Variants in FIRRM observed in about 807,000 individuals in gnomAD.
FIRRM encodes FIGNL1-interacting regulator of recombination and mitosis.
At chr1:169,790,891 C>T in the FIRRM span, among the ~76,000 whole-genome samples, 2 of 152,070 alleles carry the variant, frequency 1.3e-5, no homozygotes, top group African/African-American at 2.4e-5. Flanking sequence ...CACCAGGGAC[C>T]AGTTTTGTGG....
the FIRRM span, chr1:169,795,380 G>A: frequency 4.2e-5 from 60 of 1,412,448 alleles, no homozygotes; most frequent in Middle Eastern, 5.0e-4. Flanking sequence ...GACTGGAGGG[G>A]AAGCGACAAC....
At chr1:169,852,285 A>G in the FIRRM span, 1 of 318,510 alleles carries the variant, frequency 3.1e-6, no homozygotes, top group East Asian at 8.5e-5. Flanking sequence ...TATTAATCAA[A>G]TGAGTCTCCT....
chr1:169,788,352 A>T, the FIRRM span, among the ~76,000 whole-genome samples: 1 of 152,204 alleles, frequency 6.6e-6, no homozygotes, highest in Non-Finnish European at 1.5e-5. Context: ...AAAGACATTT[A>T]TGATGATCCA....
At chr1:169,845,411 T>C in the FIRRM span, among the ~76,000 whole-genome samples, 1 of 152,206 alleles carries the variant, frequency 6.6e-6, no homozygotes, top group African/African-American at 2.4e-5. Context: ...TTTCTTAAAA[T>C]ACGACAATGA....
chr1:169,797,697 A>G, the FIRRM span, among the ~76,000 whole-genome samples: 2 of 152,256 alleles, frequency 1.3e-5, no homozygotes, highest in African/African-American at 4.8e-5. Context: ...GGCACGTGCC[A>G]CCATGCCCGG....
chr1:169,804,694 AT>A, the FIRRM span, among the ~76,000 whole-genome samples: 1 of 151,884 alleles, frequency 6.6e-6, no homozygotes, highest in Non-Finnish European at 1.5e-5. Flanking sequence ...ATTTTATTTT[AT>A]TTTTTTGAGA....
the FIRRM span, among the ~76,000 whole-genome samples, chr1:169,798,345 G>A: frequency 4.0e-5 from 6 of 150,646 alleles, no homozygotes; most frequent in Admixed American, 3.3e-4. Context: ...TTGGCTCACT[G>A]CAACCTCTGC....
chr1:169,852,849 G>GCATA, the FIRRM span: 1 of 1,614,014 alleles, frequency 6.2e-7, no homozygotes, highest in Non-Finnish European at 8.5e-7. Context: ...GGTCAGCGCT[G>GCATA]CATACAATAG....
At chr1:169,788,595 T>A in the FIRRM span, among the ~76,000 whole-genome samples, 1 of 152,026 alleles carries the variant, frequency 6.6e-6, no homozygotes, top group South Asian at 2.1e-4. Context: ...TGCAGGGGGG[T>A]GGGCACCCCT....
chr1:169,816,732 T>G, the FIRRM span, among the ~76,000 whole-genome samples: 1 of 152,214 alleles, frequency 6.6e-6, no homozygotes, highest in East Asian at 1.9e-4. Context: ...TAAGGAACCC[T>G]GTACAGGGAC....
At chr1:169,812,565 A>C in the FIRRM span, among the ~76,000 whole-genome samples, 1 of 152,192 alleles carries the variant, frequency 6.6e-6, no homozygotes, top group Non-Finnish European at 1.5e-5. Context: ...CATCTTCAAA[A>C]TAATCGAAAA....
At chr1:169,823,683 A>T in the FIRRM span, among the ~76,000 whole-genome samples, 1 of 151,528 alleles carries the variant, frequency 6.6e-6, no homozygotes, top group Admixed American at 6.6e-5. Context: ...TTAGTACCTT[A>T]TACAGGAGTA....
chr1:169,803,569 G>GAC, the FIRRM span, among the ~76,000 whole-genome samples: 4 of 152,090 alleles, frequency 2.6e-5, no homozygotes, highest in African/African-American at 4.8e-5. Context: ...TTTGTGTTGA[G>GAC]ACAGACACAG....
At chr1:169,826,316 G>T in the FIRRM span, among the ~76,000 whole-genome samples, 1 of 149,008 alleles carries the variant, frequency 6.7e-6, no homozygotes, top group Non-Finnish European at 1.5e-5. Flanking sequence ...GCTTGCCTCG[G>T]CCTCCCAAAG....
At chr1:169,833,190 G>A in the FIRRM span, among the ~76,000 whole-genome samples, 1 of 152,120 alleles carries the variant, frequency 6.6e-6, no homozygotes, top group East Asian at 1.9e-4. Flanking sequence ...GTATGGCCTA[G>A]TGCAGTCCCT....
the FIRRM span, chr1:169,803,101 A>T: frequency 7.0e-7 from 1 of 1,429,054 alleles, no homozygotes; most frequent in Non-Finnish European, 9.7e-7. Flanking sequence ...AGCACCCAGC[A>T]TGCTGACTAA....
At chr1:169,792,136 T>C in the FIRRM span, among the ~76,000 whole-genome samples, 4 of 152,182 alleles carry the variant, frequency 2.6e-5, no homozygotes, top group African/African-American at 9.7e-5. Flanking sequence ...GGTAAATGAA[T>C]ATAAAAACAA....
the FIRRM span, among the ~76,000 whole-genome samples, chr1:169,816,058 A>G: frequency 6.6e-6 from 1 of 152,226 alleles, no homozygotes; most frequent in South Asian, 2.1e-4. Context: ...TAAGTGTTCG[A>G]TTTAATAAAA....
chr1:169,788,557 A>T, the FIRRM span, among the ~76,000 whole-genome samples: 1,560 of 152,298 alleles, frequency 0.01, 12 homozygotes, highest in Non-Finnish European at 0.018. Context: ...GTTTTCGAGG[A>T]GTCAAAAGGT....
Sources: allele counts gnomAD v4.1 joint callset (sites outside exome capture counted in the v4.1 genomes callset), GRCh38; gene constraint gnomAD v4.1.1; transcripts MANE v1.5; gene names NCBI Gene and HGNC (gene_info 2026-07-23, HGNC 2026-07-21).